The following FOCAD variants were observed in gnomAD, a reference collection of about 807,000 sequenced individuals.
FOCAD encodes KIAA1797.
In FOCAD, 198 loss-of-function variants were observed where a neutral mutation model predicts 225.6. The observed-to-expected ratio is 0.88, with a 90% CI of 0.78 to 0.99. The LOEUF (loss-of-function observed/expected upper bound fraction) is 0.99. Ranked by LOEUF, FOCAD falls within the 50% of genes least tolerant of loss-of-function variation. The pLI, the probability that FOCAD is intolerant of heterozygous loss-of-function variation, is 0.00. For synonymous variants in FOCAD, 897 were observed against 755.0 expected, an observed-to-expected ratio of 1.19 and a Z score of -3.08; for missense variants, 2,713 against 2,123.6, an observed-to-expected ratio of 1.28 and a Z score of -5.46.
chr9:20,830,734 G>A (rs535391645), intron 15 of FOCAD, among the ~76,000 whole-genome samples: 2 of 152,174 alleles, frequency 1.3e-5, no homozygotes, highest in South Asian at 4.1e-4. Flanking sequence ...CTGGAGTGCA[G>A]TGGTGTGGTC....
intron 28 of FOCAD, among the ~76,000 whole-genome samples, chr9:20,941,163 A>G (rs977442242): frequency 6.6e-6 from 1 of 152,162 alleles, no homozygotes; most frequent in Non-Finnish European, 1.5e-5. Context: ...ATTCACCCAG[A>G]GCAAATTCAC....
intron 21 of FOCAD, among the ~76,000 whole-genome samples, chr9:20,897,313 T>G (rs530447481): frequency 1.6e-4 from 25 of 151,808 alleles, no homozygotes; most frequent in Admixed American, 3.3e-4. Flanking sequence ...GTAGACAACA[T>G]GTAGTTGGGT....
chr9:20,961,908 A>T (rs919259914), intron 35 of FOCAD, among the ~76,000 whole-genome samples: 2 of 152,196 alleles, frequency 1.3e-5, no homozygotes, highest in African/African-American at 4.8e-5. Context: ...CGGTCTTAAC[A>T]TAGAAAACCT....
intron 20 of FOCAD, 81 bp downstream of exon 20, chr9:20,882,137 C>A: frequency 7.9e-7 from 1 of 1,263,630 alleles, no homozygotes; most frequent in Non-Finnish European, 1.1e-6. Flanking sequence ...ATATAATGGG[C>A]CATGGCAGGG....
intron 29 of FOCAD, among the ~76,000 whole-genome samples, chr9:20,946,080 T>TTC (rs1837146817): frequency 2.5e-5 from 3 of 122,418 alleles, no homozygotes; most frequent in South Asian, 3.0e-4. Flanking sequence ...ATATTTTATT[T>TTC]ATTCATTCAT....
chr9:20,755,681 G>C (rs1173384560), intron 5 of FOCAD, among the ~76,000 whole-genome samples: 1 of 152,134 alleles, frequency 6.6e-6, no homozygotes, highest in Non-Finnish European at 1.5e-5. Context: ...CCATTATCTG[G>C]AAGATTAATG....
chr9:20,725,591 C>T (rs1489968842), intron 4 of FOCAD, among the ~76,000 whole-genome samples: 1 of 152,194 alleles, frequency 6.6e-6, no homozygotes, highest in African/African-American at 2.4e-5. Flanking sequence ...CCATCTCTTC[C>T]AGCCTTATAA....
At chr9:20,688,273 G>A (rs10964659) in intron 1 of FOCAD, among the ~76,000 whole-genome samples, 92,581 of 151,966 alleles carry the variant, frequency 0.61, 28,603 homozygotes, top group South Asian at 0.69. Flanking sequence ...ACAGAACTCC[G>A]AAAATGCAGT....
chr9:20,982,681 C>G (rs1223149067), intron 39 of FOCAD, among the ~76,000 whole-genome samples: 1 of 152,188 alleles, frequency 6.6e-6, no homozygotes, highest in African/African-American at 2.4e-5. Flanking sequence ...AACCCGATTT[C>G]TCCCACTTTG....
intron 15 of FOCAD, among the ~76,000 whole-genome samples, chr9:20,842,489 T>A (rs1045311379): frequency 1.3e-5 from 2 of 152,032 alleles, no homozygotes; most frequent in African/African-American, 4.8e-5. Flanking sequence ...TATCATTATA[T>A]CCTGACCTTA....
chr9:20,821,127 AT>A (rs1279893763), intron 14 of FOCAD, 56 bp downstream of exon 14: 16 of 1,511,990 alleles, frequency 1.1e-5, no homozygotes, highest in Non-Finnish European at 1.4e-5. Context: ...TTTGTATTTA[AT>A]TTTTTAATTG....
At chr9:20,911,831 C>T (rs562766639) in intron 22 of FOCAD, among the ~76,000 whole-genome samples, 1 of 152,092 alleles carries the variant, frequency 6.6e-6, no homozygotes, top group Admixed American at 6.6e-5. Flanking sequence ...ACATACTTTT[C>T]TTCTATACAC....
intron 11 of FOCAD, among the ~76,000 whole-genome samples, chr9:20,803,684 C>G (rs538580252): frequency 6.6e-6 from 1 of 152,210 alleles, no homozygotes; most frequent in South Asian, 2.1e-4. Flanking sequence ...TAGAGAGTAT[C>G]TCACCTGCAT....
chr9:20,971,301 ACT>A (rs1839739235), intron 35 of FOCAD, among the ~76,000 whole-genome samples: 1 of 152,094 alleles, frequency 6.6e-6, no homozygotes, highest in South Asian at 2.1e-4. Flanking sequence ...AATTAAAATA[ACT>A]CTGCTGCCAC....
intron 11 of FOCAD, among the ~76,000 whole-genome samples, chr9:20,810,235 A>G (rs1418540569): frequency 6.6e-6 from 1 of 152,114 alleles, no homozygotes; most frequent in African/African-American, 2.4e-5. Context: ...TCTTTGGGAA[A>G]TCTGCTATTT....
rs1482026463 is a variant in FOCAD at position 20,765,066 on chromosome 9, G to A, written c.692G>A (p.Cys231Tyr). Reference protein sequence around the residue: ...ILQLCCDIVPCLQVKDLIQTT... With the variant: ...ILQLCCDIVPYLQVKDLIQTT... ...CAACTGTGTTGTGACATAGTTCCAT[G>A]TTTGCAGGTAAGGTCTTTGTCCTCC... is the stretch of plus-strand genomic sequence containing the variant. Residue 231 changes from cysteine to tyrosine, a missense_variant, in exon 7 of 44, where the codon TGT (cysteine) becomes TAT (tyrosine). Transcript: ENST00000338382. The A allele has an allele frequency of 1.2e-6, 2 of 1,612,470 alleles. No homozygotes were observed. Among genetic ancestry groups the A allele is most frequent in the African/African-American group, 1.3e-5 (1 of 74,910 alleles).
intron 2 of FOCAD, 55 bp from the exon 3 acceptor site, chr9:20,717,739 A>G (rs936880424): frequency 4.4e-6 from 6 of 1,371,626 alleles, no homozygotes; most frequent in Middle Eastern, 1.8e-4. Flanking sequence ...ACTAGTATTG[A>G]TATTTGGAAA....
intron 21 of FOCAD, among the ~76,000 whole-genome samples, chr9:20,894,855 T>C (rs1235611392): frequency 2.0e-5 from 3 of 152,086 alleles, no homozygotes; most frequent in Non-Finnish European, 4.4e-5. Context: ...CCATTGTTTA[T>C]TTAATACATA....
At chr9:20,749,458 A>G (rs1302504545) in intron 5 of FOCAD, among the ~76,000 whole-genome samples, 2 of 152,180 alleles carry the variant, frequency 1.3e-5, no homozygotes, top group Non-Finnish European at 2.9e-5. Flanking sequence ...TTTCTTCTTT[A>G]TAGTGATATT....
Sources: gnomAD v4.1 joint callset for allele counts (sites outside exome capture counted in the v4.1 genomes callset) on GRCh38, gnomAD v4.1.1 for gene constraint, MANE v1.5 for transcripts, NCBI Gene and HGNC (gene_info 2026-07-23, HGNC 2026-07-21) for gene names.